MYO16: variants seen among roughly 807,000 people sequenced by gnomAD.
MYO16 encodes the protein unconventional myosin-XVI.
A neutral mutation model predicts 205.3 loss-of-function variants in MYO16; 94 were observed. The ratio of observed to expected loss-of-function variants is 0.46; its 90% CI spans 0.39 to 0.54. The LOEUF (loss-of-function observed/expected upper bound fraction) is 0.54, where lower values mean the gene tolerates loss of function less well. Ranked by LOEUF, MYO16 falls within the 20% of genes least tolerant of loss-of-function variation. The pLI, the probability that MYO16 is intolerant of heterozygous loss-of-function variation, is 0.00. For missense variants in MYO16, 2,315 were observed against 2,387.5 expected, an observed-to-expected ratio of 0.97 and a Z score of 0.63; for synonymous variants, 988 against 954.0, an observed-to-expected ratio of 1.04 and a Z score of -0.66.
intron 14 of MYO16, among the ~76,000 whole-genome samples, chr13:108,897,268 A>C (rs1286589941): frequency 6.6e-6 from 1 of 152,210 alleles, no homozygotes; most frequent in Non-Finnish European, 1.5e-5. Context: ...AGGCAGAGTC[A>C]ATTGATGAAG....
intron 32 of MYO16, among the ~76,000 whole-genome samples, chr13:109,160,205 C>T (rs539089309): frequency 6.6e-6 from 1 of 152,290 alleles, no homozygotes; most frequent in African/African-American, 2.4e-5. Flanking sequence ...AAAGCACCTC[C>T]TATCAAGAGC....
intron 2 of MYO16, among the ~76,000 whole-genome samples, chr13:108,698,579 T>C (rs1161300989): frequency 6.6e-6 from 1 of 152,120 alleles, no homozygotes; most frequent in Non-Finnish European, 1.5e-5. Context: ...TAAAAGGAAA[T>C]GCATGATGAA....
intron 27 of MYO16, among the ~76,000 whole-genome samples, chr13:109,067,689 C>T (rs1030464533): frequency 7.2e-5 from 11 of 152,058 alleles, no homozygotes; most frequent in African/African-American, 1.7e-4. Flanking sequence ...TGCCTTTGGT[C>T]GGCTTCCTGA....
chr13:108,677,331 GTGTGTATA>G (rs1295876279), intron 2 of MYO16, among the ~76,000 whole-genome samples: 1,368 of 126,560 alleles, frequency 0.011, 20 homozygotes, highest in African/African-American at 0.038. Flanking sequence ...GTGTGTGTGT[GTGTGTATA>G]TATATATATA....
At chr13:108,590,070 T>C in the MYO16 span, among the ~76,000 whole-genome samples, 4,053 of 152,264 alleles carry the variant, frequency 0.027, 167 homozygotes, top group African/African-American at 0.091. Flanking sequence ...TTTTAAAAAA[T>C]CAAATTTTTA....
chr13:109,141,179 A>G lies in MYO16; in HGVS notation c.4967A>G (p.Lys1656Arg), dbSNP rs989634782. The G allele has an allele frequency of 1.8e-5, 29 of 1,608,644 alleles. No homozygotes were observed. The highest frequency in any genetic ancestry group is 2.3e-5 in the East Asian group (1 of 44,032). The change falls in exon 32 of 35, where the codon AAG becomes AGG. Residue 1656 changes from lysine to arginine, a missense_variant. This residue lies in a region of MYO16 where 1,097 missense variants were observed against 1,092.0 expected (regional missense o/e 1.00). Transcript: ENST00000457511. The surrounding 1 kb of genome is among the most constrained non-coding windows in gnomAD (Gnocchi z 4.1). ...PVAGPCSSFP[K>R]IPYSPVKATR... is the part of the protein sequence containing the mutation. ...GCCGGGCCCTGCAGCTCCTTCCCCA[A>G]GATCCCATATTCCCCCGTGAAGGCC... is the stretch of plus-strand genomic sequence containing the variant.
chr13:108,758,040 CT>C (rs1249707382), intron 4 of MYO16, among the ~76,000 whole-genome samples: 14 of 152,216 alleles, frequency 9.2e-5, no homozygotes, highest in African/African-American at 3.4e-4. Flanking sequence ...GATTAGTCCC[CT>C]CATACAGAGA....
chr13:108,949,248 A>T (rs1883051980), intron 16 of MYO16, among the ~76,000 whole-genome samples: 1 of 152,182 alleles, frequency 6.6e-6, no homozygotes, highest in South Asian at 2.1e-4. Context: ...TAGTCTAAAG[A>T]AGGCACCATC....
Position 108,946,698 on chromosome 13 carries a change from A to G in MYO16, c.1926-10990A>G, listed in dbSNP as rs995828840. On this transcript the variant is annotated intron_variant, in intron 16 of 34. Transcript: ENST00000457511. ...ATTGGTCAGGGTTCTCCAGAAAAACAGAGCCAATAGCCAAGAGGGTATGGA... is the reference window on the plus strand; with the variant it reads ...ATTGGTCAGGGTTCTCCAGAAAAACGGAGCCAATAGCCAAGAGGGTATGGA... 2.0e-5 allele frequency among the ~76,000 whole-genome samples: 3 copies of G among 152,188 alleles called. No individual in the cohort carries two copies. The East Asian group carries it at 5.8e-4, about 29-fold the overall frequency.
chr13:108,878,730 G>A lies in MYO16; in HGVS notation c.1426-4329G>A, dbSNP rs535035598. On this transcript the variant is annotated intron_variant, in intron 12 of 34. Transcript: ENST00000457511. ...AAGTTGCAGGCACCCACCCCTAGAC[G>A]CTACTATGGGGCCAAAGCCCAAAGG... is the stretch of plus-strand genomic sequence containing the variant. Among the ~76,000 whole-genome samples, 38 of 152,294 alleles carry A rather than the reference G, an allele frequency of 2.5e-4. 2 individuals carry two copies. In the East Asian group the frequency reaches 3.9e-3, roughly 15 times the overall value.
chr13:109,059,719 C>T (rs1219096818), intron 27 of MYO16, among the ~76,000 whole-genome samples: 1 of 152,150 alleles, frequency 6.6e-6, no homozygotes, highest in Non-Finnish European at 1.5e-5. Flanking sequence ...TGCTTGTTCA[C>T]TCTGATGATG....
At chr13:109,168,396 GC>G (rs1230793294) in intron 33 of MYO16, among the ~76,000 whole-genome samples, 1 of 152,060 alleles carries the variant, frequency 6.6e-6, no homozygotes, top group Non-Finnish European at 1.5e-5. Flanking sequence ...TTAAAAAGCA[GC>G]AAAAACAGTG....
intron 16 of MYO16, among the ~76,000 whole-genome samples, 185 bp downstream of exon 16, chr13:108,910,335 G>A (rs1400650661): frequency 6.6e-6 from 1 of 151,916 alleles, no homozygotes; most frequent in African/African-American, 2.4e-5. Context: ...GGGTGAAGTT[G>A]TATGTGTGTG....
At chr13:108,524,609 G>C in the MYO16 span, among the ~76,000 whole-genome samples, 1 of 152,160 alleles carries the variant, frequency 6.6e-6, no homozygotes, top group African/African-American at 2.4e-5. Flanking sequence ...AAGTGTGTGC[G>C]TGTGCTTTCT....
Position 108,862,995 on chromosome 13 carries a change from A to C in MYO16, c.1360-3182A>C, listed in dbSNP as rs368984853. ...TGTTTTATGGAAAATAAGAAGAAAA[A>C]ATTATTTTCTAATTGTTCACGGGTA... On this transcript the variant is annotated intron_variant, in intron 11 of 34. Transcript: ENST00000457511. Among the ~76,000 whole-genome samples the C allele has an allele frequency of 5.9e-5, 9 of 152,218 alleles. No homozygotes were observed. In the South Asian group the frequency reaches 8.3e-4, roughly 14 times the overall value.
rs1227547858 is a variant in MYO16 at position 109,140,380 on chromosome 13, G to A, written c.4168G>A (p.Gly1390Arg). ...KLSGSYEEIS[G>R]SRPGDARPAG... Reference sequence around the variant, plus strand: ...CAGCGGCTCCTACGAGGAGATATCGGGGTCCCGGCCCGGGGACGCGAGGCC... The same window carrying A: ...CAGCGGCTCCTACGAGGAGATATCGAGGTCCCGGCCCGGGGACGCGAGGCC... Residue 1390 changes from glycine (G) to arginine (R), a missense_variant, in exon 32 of 35, where the codon GGG becomes AGG. This residue lies in a region of MYO16 where 1,097 missense variants were observed against 1,092.0 expected (regional missense o/e 1.00). Coordinates refer to ENST00000457511, the MANE Select transcript of MYO16 (RefSeq NM_001198950.3). The surrounding 1 kb of genome is among the most constrained non-coding windows in gnomAD (Gnocchi z 8.0). 6.3e-7 allele frequency: 1 copy of A among 1,599,818 alleles called. No individual in the cohort carries two copies. Among genetic ancestry groups the A allele is most frequent in the Non-Finnish European group, 8.5e-7 (1 of 1,177,872 alleles).
the MYO16 span, among the ~76,000 whole-genome samples, chr13:108,570,596 G>T: frequency 1.3e-5 from 2 of 152,198 alleles, no homozygotes; most frequent in Non-Finnish European, 2.9e-5. Context: ...CCAGCCATCT[G>T]GGCCTGAGAA....
chr13:109,155,412 A>C (rs2139847413), intron 32 of MYO16, among the ~76,000 whole-genome samples: 1 of 152,336 alleles, frequency 6.6e-6, no homozygotes, highest in South Asian at 2.1e-4. Flanking sequence ...ATTAACAAGT[A>C]GGAAGGAATG....
chr13:108,627,033 G>A (rs147146831), upstream of MYO16, among the ~76,000 whole-genome samples: 379 of 148,282 alleles, frequency 2.6e-3, 1 homozygote, highest in African/African-American at 8.8e-3. Flanking sequence ...ACCCAACAGT[G>A]AGTTGAGTTT....
Sources: allele counts gnomAD v4.1 joint callset (sites outside exome capture counted in the v4.1 genomes callset), GRCh38; gene constraint gnomAD v4.1.1; regional missense constraint gnomAD v4.1.1; non-coding constraint Gnocchi (gnomAD v3.1); transcripts MANE v1.5; gene names NCBI Gene and HGNC (gene_info 2026-07-23, HGNC 2026-07-21).